The following STON2 variants were observed in gnomAD, a reference collection of about 807,000 sequenced individuals.
STON2 encodes the protein stonin-2.
A neutral mutation model predicts 65.7 loss-of-function variants in STON2; 29 were observed. The ratio of observed to expected loss-of-function variants is 0.44; its 90% CI spans 0.33 to 0.60. The LOEUF (loss-of-function observed/expected upper bound fraction) is 0.60, where lower values mean the gene tolerates loss of function less well. Ranked by LOEUF, STON2 falls within the 20% of genes least tolerant of loss-of-function variation. The probability of loss-of-function intolerance (pLI) is 0.03; values close to 1 mark genes in which losing one functional copy is unlikely to be tolerated. For missense variants in STON2, 1,054 were observed against 1,118.1 expected, an observed-to-expected ratio of 0.94 and a Z score of 0.82; for synonymous variants, 404 against 414.2, an observed-to-expected ratio of 0.98 and a Z score of 0.30.
chr14:81,390,505 C>T (rs552081752), intron 3 of STON2, among the ~76,000 whole-genome samples: 20 of 151,990 alleles, frequency 1.3e-4, no homozygotes, highest in African/African-American at 4.6e-4. Flanking sequence ...TACCCTGCAT[C>T]GTGAGCTGGG....
intron 5 of STON2, among the ~76,000 whole-genome samples, chr14:81,306,945 G>A (rs1455035229): frequency 6.6e-6 from 1 of 152,180 alleles, no homozygotes; most frequent in Admixed American, 6.5e-5. Context: ...TTATTTAAAT[G>A]GGGAGCAAAC....
At chr14:81,270,402 T>C (rs942263912) in intron 7 of STON2, 2 of 1,395,560 alleles carry the variant, frequency 1.4e-6, no homozygotes, top group African/African-American at 2.9e-5. Context: ...TTCTTTTTGT[T>C]GTCATTGCTC....
intron 4 of STON2, among the ~76,000 whole-genome samples, chr14:81,360,987 T>A (rs1898468301): frequency 6.6e-6 from 1 of 152,072 alleles, no homozygotes; most frequent in African/African-American, 2.4e-5. Context: ...ATGAAATAAA[T>A]TTAAGAAGAT....
At chr14:81,383,191 T>G (rs1173435259) in intron 3 of STON2, among the ~76,000 whole-genome samples, 1 of 152,252 alleles carries the variant, frequency 6.6e-6, no homozygotes, top group Non-Finnish European at 1.5e-5. Context: ...TCAGGGACCC[T>G]GGATCCAGAC....
At chr14:81,357,613 T>C (rs1298441728) in intron 4 of STON2, among the ~76,000 whole-genome samples, 2 of 151,946 alleles carry the variant, frequency 1.3e-5, no homozygotes, top group African/African-American at 4.8e-5. Context: ...ATGTTTATTG[T>C]GGCACTATTC....
chr14:81,407,389 C>T (rs538453366), intron 2 of STON2, among the ~76,000 whole-genome samples: 8 of 152,282 alleles, frequency 5.3e-5, no homozygotes, highest in Non-Finnish European at 1.0e-4. Context: ...AATTCCATTG[C>T]TCCAGAGCTG....
intron 2 of STON2, among the ~76,000 whole-genome samples, chr14:81,409,479 T>C (rs968485309): frequency 1.3e-5 from 2 of 151,704 alleles, no homozygotes; most frequent in Non-Finnish European, 1.5e-5. Context: ...ACATATTTCT[T>C]AGAATCAATG....
At position 81,301,251 on chromosome 14, in the gene STON2, A is replaced by G. The variant is rs145765942; in HGVS notation, c.743-22512T>C. On this transcript the variant is annotated intron_variant, in intron 5 of 7. Transcript: ENST00000614646. ...GAACATACTCTATTTGTTACTAGGCAGTAAACCATGTCCGAAAAACATAAT... is the reference window on the plus strand; with the variant it reads ...GAACATACTCTATTTGTTACTAGGCGGTAAACCATGTCCGAAAAACATAAT... Among the ~76,000 whole-genome samples, 516 of 152,358 alleles carry G rather than the reference A, an allele frequency of 3.4e-3. 3 individuals are homozygous for G. Among genetic ancestry groups the G allele is most frequent in the African/African-American group, 0.012 (485 of 41,570 alleles).
chr14:81,358,747 A>G (rs937234688), intron 4 of STON2, among the ~76,000 whole-genome samples: 5 of 152,200 alleles, frequency 3.3e-5, no homozygotes, highest in African/African-American at 1.2e-4. Context: ...CTATACTTAT[A>G]TCAGGCAAAA....
chr14:81,356,844 C>T (rs1219770681), intron 4 of STON2, among the ~76,000 whole-genome samples: 1 of 151,904 alleles, frequency 6.6e-6, no homozygotes, highest in Admixed American at 6.6e-5. Context: ...TCTATGGGAT[C>T]GGTAGTGATA....
At position 81,277,555 on chromosome 14, in the gene STON2, C is replaced by T. The variant is rs1172084969; in HGVS notation, c.1927G>A (p.Gly643Arg). ...RDEFSGIVSKGDNQILQHHVL... is the reference protein window; with the variant it reads ...RDEFSGIVSKRDNQILQHHVL... The stretch of plus-strand genomic sequence containing the variant: ...TGGTGCTGGAGAATCTGGTTGTCTC[C>T]TTTGCTCACAATGCCAGAGAATTCA... Residue 643 changes from glycine (G) to arginine (R), a missense_variant, in exon 6 of 8, where the codon GGA becomes AGA. Physicochemically the swap from Gly to Arg is moderately radical, Grantham distance 125 (BLOSUM62 -2). Coordinates refer to ENST00000614646, the MANE Select transcript of STON2 (RefSeq NM_001394390.1). 1 of 1,614,182 alleles carries T rather than the reference C, an allele frequency of 6.2e-7. No individual in the cohort carries two copies. The highest frequency in any genetic ancestry group is 8.5e-7 in the Non-Finnish European group (1 of 1,180,042).
intron 2 of STON2, among the ~76,000 whole-genome samples, chr14:81,421,016 C>T (rs146010991): frequency 1.2e-4 from 19 of 152,162 alleles, no homozygotes; most frequent in African/African-American, 3.4e-4. Flanking sequence ...GAAGGGAGGA[C>T]GAGAGGCTCA....
chr14:81,433,387 T>C (rs1902291859), intron 1 of STON2, among the ~76,000 whole-genome samples: 1 of 152,190 alleles, frequency 6.6e-6, no homozygotes, highest in Non-Finnish European at 1.5e-5. Context: ...AATCTGACCC[T>C]GTCAAAGCCC....
intron 5 of STON2, among the ~76,000 whole-genome samples, chr14:81,301,636 G>T (rs764522116): frequency 1.1e-4 from 17 of 152,174 alleles, no homozygotes; most frequent in Non-Finnish European, 1.6e-4. Flanking sequence ...AGAGTGGAAC[G>T]TGCTCAAGAT....
chr14:81,403,158 G>C (rs1029276697), upstream of STON2, among the ~76,000 whole-genome samples: 6 of 152,092 alleles, frequency 3.9e-5, no homozygotes, highest in African/African-American at 1.4e-4. Flanking sequence ...AATATACTTT[G>C]TCCTATTCGA....
chr14:81,264,021 C>T lies in STON2; in HGVS notation c.*4393G>A. 1 of 985,432 alleles carries T rather than the reference C, an allele frequency of 1.0e-6. No individual in the cohort carries two copies. Among genetic ancestry groups the T allele is most frequent in the Non-Finnish European group, 1.2e-6 (1 of 829,938 alleles). 61.0% of individuals were successfully genotyped at this position (985,432 alleles called of 1,614,324 possible). On this transcript the variant is annotated 3_prime_UTR_variant, in exon 8 of 8. Transcript: ENST00000614646. ...TTAGTGCTGGAAGAACAAAGACCTA[C>T]TGCATGAAGACTGGTTGTGCACTCT...
intron 4 of STON2, among the ~76,000 whole-genome samples, chr14:81,339,650 C>T (rs1465906146): frequency 1.3e-5 from 2 of 152,108 alleles, no homozygotes; most frequent in Non-Finnish European, 2.9e-5. Context: ...ATGTATGAGC[C>T]AAAGAAGGCC....
chr14:81,302,038 T>C (rs950329564), intron 5 of STON2, among the ~76,000 whole-genome samples: 5 of 152,148 alleles, frequency 3.3e-5, no homozygotes, highest in Admixed American at 6.6e-5. Flanking sequence ...CTGAGGGCAG[T>C]TGGCTGTCCC....
At chr14:81,363,004 T>A (rs183235237) in intron 4 of STON2, among the ~76,000 whole-genome samples, 6 of 152,282 alleles carry the variant, frequency 3.9e-5, no homozygotes, top group Non-Finnish European at 7.4e-5. Flanking sequence ...CAGCACTGCA[T>A]CTGGGGAAGG....
Sources: gnomAD v4.1 joint callset for allele counts (sites outside exome capture counted in the v4.1 genomes callset) on GRCh38, gnomAD v4.1.1 for gene constraint, MANE v1.5 for transcripts, NCBI Gene and HGNC (gene_info 2026-07-23, HGNC 2026-07-21) for gene names.